Variants in HPSE observed in about 807,000 individuals in gnomAD.
HPSE encodes the protein endo-glucoronidase.
A neutral mutation model predicts 65.1 loss-of-function variants in HPSE; 48 were observed. That is an observed-to-expected ratio of 0.74 (90% confidence interval 0.58 to 0.94). HPSE has a LOEUF of 0.94. HPSE is among the 40% of genes least tolerant of loss of function. The probability of loss-of-function intolerance (pLI) is 0.00; values close to 1 mark genes in which losing one functional copy is unlikely to be tolerated. For synonymous variants in HPSE, 243 were observed against 260.0 expected, an observed-to-expected ratio of 0.93 and a Z score of 0.63; for missense variants, 644 against 637.5, an observed-to-expected ratio of 1.01 and a Z score of -0.11.
At position 83,322,789 on chromosome 4, in the gene HPSE, TTGTG is replaced by T. The variant is rs386400677; in HGVS notation, c.228-429_228-426del. On this transcript the variant is annotated intron_variant, in intron 1 of 11. Transcript: ENST00000311412. ...AGCTCTAATTCTGGCAAGAGCTTGT[TTGTG>T]TGTGTGTGTGTGTGTGTGTGTGTGT... Among the ~76,000 whole-genome samples the T allele has an allele frequency of 7.4e-3, 766 of 103,968 alleles. 3 individuals are homozygous for T. The highest frequency in any genetic ancestry group is 0.041 in the South Asian group (116 of 2,836). 68.2% of individuals were successfully genotyped at this position (103,968 alleles called of 152,430 possible).
At chr4:83,296,307 A>C (rs894988488) in intron 11 of HPSE, among the ~76,000 whole-genome samples, 2 of 152,232 alleles carry the variant, frequency 1.3e-5, no homozygotes, top group African/African-American at 2.4e-5. Context: ...ATTCTAAATA[A>C]GATGCTTATA....
intron 11 of HPSE, among the ~76,000 whole-genome samples, chr4:83,296,499 C>T (rs1435906579): frequency 1.3e-5 from 2 of 152,086 alleles, no homozygotes; most frequent in East Asian, 3.9e-4. Context: ...CATGGCAAAA[C>T]TCCATCTCTA....
chr4:83,313,060 A>C (rs1318790006), intron 4 of HPSE, 54 bp downstream of exon 4: 8 of 1,100,188 alleles, frequency 7.3e-6, no homozygotes, highest in Non-Finnish European at 1.1e-5. Context: ...AAAGAAAAGA[A>C]ATAATGCTAG....
chr4:83,322,792 TGTG>T (rs1560514361), intron 1 of HPSE, among the ~76,000 whole-genome samples: 5,480 of 114,742 alleles, frequency 0.048, 110 homozygotes, highest in Non-Finnish European at 0.056. Flanking sequence ...AGCTTGTTTG[TGTG>T]TGTGTGTGTG....
Position 83,295,181 on chromosome 4 carries a change from C to T in HPSE, c.*163G>A, listed in dbSNP as rs1404599071. ...TTATTATTAGCAGTGTTCTACCTAGCGAGATCAAAATACTGTGCTAAATCT... is the reference window on the plus strand; with the variant it reads ...TTATTATTAGCAGTGTTCTACCTAGTGAGATCAAAATACTGTGCTAAATCT... On this transcript the variant is annotated 3_prime_UTR_variant, in exon 12 of 12. Transcript: ENST00000311412. The T allele has an allele frequency of 6.3e-6, 3 of 473,552 alleles. No individual in the cohort carries two copies. Among genetic ancestry groups the T allele is most frequent in the East Asian group, 6.4e-5 (2 of 31,488 alleles). The allele number at this position is 473,552 out of a possible 1,614,324, so 29.3% of individuals were successfully genotyped here.
chr4:83,302,405 T>TA, intron 9 of HPSE, 137 bp from the exon 10 acceptor site: 1 of 586,054 alleles, frequency 1.7e-6, no homozygotes. Flanking sequence ...ATAGGATTCA[T>TA]CTTTTTTTTT....
intron 3 of HPSE, among the ~76,000 whole-genome samples, chr4:83,316,696 G>A (rs1256170186): frequency 6.6e-6 from 1 of 152,190 alleles, no homozygotes; most frequent in Non-Finnish European, 1.5e-5. Flanking sequence ...CCTTTCTGCA[G>A]TCACACCCGG....
chr4:83,303,602 T>C (rs1736042213), intron 9 of HPSE, among the ~76,000 whole-genome samples: 4 of 152,190 alleles, frequency 2.6e-5, no homozygotes, highest in Admixed American at 2.0e-4. Context: ...CAGGCTGGAG[T>C]GCAGTGGTGT....
intron 1 of HPSE, among the ~76,000 whole-genome samples, chr4:83,333,539 G>T (rs1418370982): frequency 6.6e-6 from 1 of 152,046 alleles, no homozygotes; most frequent in Admixed American, 6.5e-5. Flanking sequence ...GTCAAGATGT[G>T]GCCATCTCTG....
intron 11 of HPSE, among the ~76,000 whole-genome samples, chr4:83,297,397 T>C (rs1026389366): frequency 1.7e-4 from 26 of 151,788 alleles, no homozygotes; most frequent in African/African-American, 6.1e-4. Flanking sequence ...ACTTGATTCT[T>C]CCCCCCACCC....
Position 83,334,617 on chromosome 4 carries a change from A to G in HPSE, c.166T>C (p.Phe56Leu). The change falls in exon 1 of 12, where the codon TTC (phenylalanine) becomes CTC (leucine). Residue 56 changes from phenylalanine (F) to leucine (L), a missense_variant. By Grantham distance (22) the Phe-to-Leu change is conservative. Coordinates refer to ENST00000311412, the MANE Select transcript of HPSE (RefSeq NM_001098540.3). ...QEPLHLVSPS[F>L]LSVTIDANLA... is the part of the protein sequence containing the mutation. The stretch of plus-strand genomic sequence containing the variant: ...TTGGCGTCAATGGTGACGGACAGGA[A>G]CGAGGGGCTCACCAGGTGCAGCGGC... The G allele has an allele frequency of 6.3e-7, 1 of 1,592,866 alleles. No individual in the cohort carries two copies. Among genetic ancestry groups the G allele is most frequent in the Non-Finnish European group, 8.5e-7 (1 of 1,169,704 alleles).
At chr4:83,308,688 T>C (rs552543503) in intron 8 of HPSE, among the ~76,000 whole-genome samples, 157 bp downstream of exon 8, 2 of 152,340 alleles carry the variant, frequency 1.3e-5, no homozygotes, top group East Asian at 3.9e-4. Context: ...CCTCAAGCTT[T>C]AGTAAATCAT....
intron 11 of HPSE, among the ~76,000 whole-genome samples, chr4:83,295,705 T>C (rs1735698359): frequency 6.6e-6 from 1 of 152,228 alleles, no homozygotes; most frequent in Non-Finnish European, 1.5e-5. Context: ...TGAGTAGTTA[T>C]GATAGAGACC....
chr4:83,330,806 G>A (rs1410612828), intron 1 of HPSE, among the ~76,000 whole-genome samples: 4 of 151,982 alleles, frequency 2.6e-5, no homozygotes, highest in Middle Eastern at 3.2e-3. Flanking sequence ...TTTTTTTACC[G>A]TGCATTAGTG....
chr4:83,310,813 T>C lies in HPSE; in HGVS notation c.751A>G (p.Lys251Glu). The C allele has an allele frequency of 6.2e-7, 1 of 1,614,110 alleles. No individual in the cohort carries two copies. Among genetic ancestry groups the C allele is most frequent in the Non-Finnish European group, 8.5e-7 (1 of 1,179,928 alleles). Residue 251 changes from lysine (K) to glutamate (E), a missense_variant, in exon 5 of 12, where the codon AAA becomes GAA. Lys to Glu is a moderately conservative substitution (Grantham distance 56, BLOSUM62 1). Coordinates refer to ENST00000311412, the MANE Select transcript of HPSE (RefSeq NM_001098540.3). ...TTGAAGGTGGACTTTCTTAGAAGTT[T>C]ATGCAATTGAATAAAATCTTCTCCT... is the stretch of plus-strand genomic sequence containing the variant. ...QLGEDFIQLH[K>E]LLRKSTFKNA... is the part of the protein sequence containing the mutation.
intron 9 of HPSE, among the ~76,000 whole-genome samples, chr4:83,304,337 C>A (rs1736074910): frequency 6.6e-6 from 1 of 152,104 alleles, no homozygotes; most frequent in Non-Finnish European, 1.5e-5. Flanking sequence ...TCATGTCCTG[C>A]TTTTAGGCAA....
At chr4:83,304,610 G>C (rs750428397) in intron 9 of HPSE, among the ~76,000 whole-genome samples, 3 of 152,110 alleles carry the variant, frequency 2.0e-5, no homozygotes, top group Non-Finnish European at 2.9e-5. Context: ...ATGATCACTT[G>C]AGCCCAGGAG....
intron 1 of HPSE, among the ~76,000 whole-genome samples, chr4:83,333,758 T>C (rs141956726): frequency 1.3e-5 from 2 of 152,184 alleles, no homozygotes; most frequent in Non-Finnish European, 2.9e-5. Flanking sequence ...ATTAGGACTT[T>C]GTAAGTCACT....
In HPSE at chr4:83,322,321, ACG is replaced by A. The variant is rs772313557; in HGVS notation, c.269_270del (p.Ala90ValfsTer23). 6.2e-7 allele frequency: 1 copy of A among 1,613,910 alleles called. No homozygotes were observed. The highest frequency in any genetic ancestry group is 1.1e-5 in the South Asian group (1 of 91,026). On this transcript the variant is annotated frameshift_variant, in exon 2 of 12. Transcript: ENST00000311412. LOFTEE classifies it high-confidence loss of function. The stretch of plus-strand genomic sequence containing the variant: ...GTCTTGGTGCCACCAAACCTCAGGT[ACG>A]CAGGAGACAAGCCTCTGGCCAAGGT... ...LRTLARGLSP[A>X]YLRFGGTKTD... is the part of the protein sequence containing the mutation.
Sources: allele counts gnomAD v4.1 joint callset (sites outside exome capture counted in the v4.1 genomes callset), GRCh38; gene constraint gnomAD v4.1.1; transcripts MANE v1.5; gene names NCBI Gene and HGNC (gene_info 2026-07-23, HGNC 2026-07-21).